The following ADAMTS17 variants were observed in gnomAD, a reference collection of about 807,000 sequenced individuals.
ADAMTS17 encodes the protein A disintegrin and metalloproteinase with thrombospondin motifs 17.
Under a neutral mutation model 141.5 loss-of-function variants are expected in ADAMTS17, and 113 were observed. The ratio of observed to expected loss-of-function variants is 0.80; its 90% CI spans 0.69 to 0.93. The LOEUF (loss-of-function observed/expected upper bound fraction) is 0.93, where lower values mean the gene tolerates loss of function less well. Ranked by LOEUF, ADAMTS17 falls within the 40% of genes least tolerant of loss-of-function variation. ADAMTS17 has a pLI of 0.00. For missense variants in ADAMTS17, 1,659 were observed against 1,517.9 expected, an observed-to-expected ratio of 1.09 and a Z score of -1.54; for synonymous variants, 768 against 630.6, an observed-to-expected ratio of 1.22 and a Z score of -3.27.
At chr15:100,075,750 C>T (rs1386663034) in intron 15 of ADAMTS17, among the ~76,000 whole-genome samples, 1 of 152,118 alleles carries the variant, frequency 6.6e-6, no homozygotes, top group Admixed American at 6.5e-5. Flanking sequence ...ATACATTTGT[C>T]TCCTTTGCCT....
intron 7 of ADAMTS17, among the ~76,000 whole-genome samples, chr15:100,219,937 A>C (rs1285476089): frequency 6.6e-6 from 1 of 152,204 alleles, no homozygotes; most frequent in Admixed American, 6.5e-5. Flanking sequence ...AACCGCAATA[A>C]GCACTTTACA....
rs141440788 is a variant in ADAMTS17, at chr15:100,292,150, C to G, written c.617-10749G>C. 6.7e-3 allele frequency among the ~76,000 whole-genome samples: 648 copies of G among 97,246 alleles called. 8 individuals carry two copies. The highest frequency in any genetic ancestry group is 0.025 in the East Asian group (74 of 2,968). The allele number at this position is 97,246 out of a possible 152,430, so 63.8% of individuals were successfully genotyped here. On this transcript the variant is annotated intron_variant, in intron 3 of 21. Transcript: ENST00000268070. ...GCTCAGCCCGTGGGGAGTCACGAGA[C>G]ACGCTCACCCCGTGGGAAACTACGA...
intron 15 of ADAMTS17, among the ~76,000 whole-genome samples, chr15:100,091,194 C>A (rs183082029): frequency 6.6e-6 from 1 of 151,780 alleles, no homozygotes; most frequent in Non-Finnish European, 1.5e-5. Flanking sequence ...AAGAGTACCA[C>A]CACCAAGTCC....
Position 100,063,853 on chromosome 15 carries a change from C to T in ADAMTS17, c.2138-9799G>A, listed in dbSNP as rs1300117410. The T allele has an allele frequency of 3.6e-6, 3 of 842,634 alleles. No individual in the cohort carries two copies. In the Admixed American group the frequency reaches 7.1e-5, roughly 20 times the overall value. 52.2% of individuals were successfully genotyped at this position (842,634 alleles called of 1,614,324 possible). On this transcript the variant is annotated intron_variant, in intron 15 of 21. Transcript: ENST00000268070. Reference sequence around the variant, plus strand: ...CGGCCAAAATCTAGCTACCAAGCCCCCCACAGTGGCTTCAGAAATGGAGGG... The same window carrying T: ...CGGCCAAAATCTAGCTACCAAGCCCTCCACAGTGGCTTCAGAAATGGAGGG...
intron 15 of ADAMTS17, among the ~76,000 whole-genome samples, chr15:100,060,587 A>G (rs2141650701): frequency 6.6e-6 from 1 of 152,358 alleles, no homozygotes; most frequent in Middle Eastern, 3.4e-3. Context: ...GCTGCACAGA[A>G]GCCCGAGTGG....
chr15:100,009,663 G>A (rs532089623), intron 18 of ADAMTS17, among the ~76,000 whole-genome samples: 13 of 152,228 alleles, frequency 8.5e-5, no homozygotes, highest in African/African-American at 2.6e-4. Context: ...TGTTGTGCCC[G>A]TTACTCTCCA....
At chr15:100,251,663 G>A (rs554228765) in intron 7 of ADAMTS17, among the ~76,000 whole-genome samples, 4 of 152,330 alleles carry the variant, frequency 2.6e-5, no homozygotes, top group East Asian at 1.9e-4. Context: ...GCCAGAACCC[G>A]GGAGGCAGAG....
chr15:100,163,859 C>A (rs1407575368), intron 8 of ADAMTS17, among the ~76,000 whole-genome samples: 1 of 152,202 alleles, frequency 6.6e-6, no homozygotes, highest in Non-Finnish European at 1.5e-5. Flanking sequence ...TGGGCCACTA[C>A]CACTTTGTCT....
chr15:100,198,366 T>G (rs1205560647), intron 8 of ADAMTS17, among the ~76,000 whole-genome samples: 2 of 152,220 alleles, frequency 1.3e-5, no homozygotes, highest in African/African-American at 2.4e-5. Context: ...TTTATACTCC[T>G]TCTTAAACAC....
intron 20 of ADAMTS17, among the ~76,000 whole-genome samples, chr15:99,978,355 G>A (rs2060411207): frequency 6.6e-6 from 1 of 152,124 alleles, no homozygotes; most frequent in South Asian, 2.1e-4. Context: ...TGCTCTAAAG[G>A]GGCACTGCTT....
intron 13 of ADAMTS17, among the ~76,000 whole-genome samples, chr15:100,114,251 T>C (rs1460004459): frequency 6.6e-6 from 1 of 151,796 alleles, no homozygotes; most frequent in African/African-American, 2.4e-5. Flanking sequence ...CGCCAAAGAA[T>C]TCCGCAGCGA....
At chr15:100,264,719 TAGCCCAAA>T (rs2043648426) in intron 4 of ADAMTS17, among the ~76,000 whole-genome samples, 1 of 152,000 alleles carries the variant, frequency 6.6e-6, no homozygotes, top group Admixed American at 6.6e-5. Flanking sequence ...CATACACCAT[TAGCCCAAA>T]GCTCAGTCGC....
intron 7 of ADAMTS17, among the ~76,000 whole-genome samples, chr15:100,231,791 T>C (rs1203939336): frequency 1.3e-5 from 2 of 152,178 alleles, no homozygotes; most frequent in Admixed American, 6.5e-5. Flanking sequence ...GCTTTGGGTA[T>C]GCATTTTCTG....
At chr15:100,237,084 G>C (rs1326210953) in intron 7 of ADAMTS17, among the ~76,000 whole-genome samples, 1 of 151,960 alleles carries the variant, frequency 6.6e-6, no homozygotes, top group Non-Finnish European at 1.5e-5. Flanking sequence ...CCCTGCCCCT[G>C]CAACATCTTA....
At position 100,271,221 on chromosome 15, in the gene ADAMTS17, T is replaced by C. The variant is rs139129606; in HGVS notation, c.790-8786A>G. ...TGCTATGAACATTGGTGTATAAATA[T>C]CTGTTCTTGTCCCTGCTTTGGGATA... is the stretch of plus-strand genomic sequence containing the variant. On this transcript the variant is annotated intron_variant, in intron 4 of 21. Transcript: ENST00000268070. Among the ~76,000 whole-genome samples the C allele has an allele frequency of 2.0e-5, 3 of 152,362 alleles. No homozygotes were observed. In the East Asian group the frequency reaches 5.8e-4, roughly 29 times the overall value.
intron 14 of ADAMTS17, among the ~76,000 whole-genome samples, chr15:100,106,054 T>TAGGCTGGA (rs1486010220): frequency 1.3e-5 from 2 of 152,066 alleles, no homozygotes; most frequent in African/African-American, 2.4e-5. Flanking sequence ...TGGAGTGCAG[T>TAGGCTGGA]GGCAAAATCT....
chr15:100,299,682 T>C (rs1237593177), intron 3 of ADAMTS17, among the ~76,000 whole-genome samples: 2 of 152,162 alleles, frequency 1.3e-5, no homozygotes, highest in Non-Finnish European at 2.9e-5. Flanking sequence ...TGGTTTCTTT[T>C]GACAGATGGT....
At chr15:100,213,411 C>A (rs974539036) in intron 7 of ADAMTS17, among the ~76,000 whole-genome samples, 1 of 152,136 alleles carries the variant, frequency 6.6e-6, no homozygotes, top group Non-Finnish European at 1.5e-5. Context: ...CTCAGAAAAT[C>A]GATGTCAACA....
At chr15:100,022,152 C>A (rs184570145) in intron 18 of ADAMTS17, among the ~76,000 whole-genome samples, 1 of 152,192 alleles carries the variant, frequency 6.6e-6, no homozygotes, top group African/African-American at 2.4e-5. Flanking sequence ...TTGTTTCTCA[C>A]GTGGATGTGC....
Sources: gnomAD v4.1 joint callset for allele counts (sites outside exome capture counted in the v4.1 genomes callset) on GRCh38, gnomAD v4.1.1 for gene constraint, MANE v1.5 for transcripts, NCBI Gene and HGNC (gene_info 2026-07-23, HGNC 2026-07-21) for gene names.